ARHGAP42: variants seen among roughly 807,000 people sequenced by gnomAD.
ARHGAP42 encodes the protein rho GTPase-activating protein 42.
ARHGAP42 carries 63 observed loss-of-function variants against 125.0 expected under a neutral mutation model. The observed-to-expected ratio is 0.50, with a 90% CI of 0.41 to 0.62. The LOEUF (loss-of-function observed/expected upper bound fraction) is 0.62. ARHGAP42 is among the 20% of genes least tolerant of loss of function. The pLI is 0.00. For synonymous variants in ARHGAP42, 339 were observed against 351.0 expected (o/e 0.97, Z 0.38); for missense variants, 766 against 1,024.2 (o/e 0.75, Z 3.44).
At chr11:100,882,834 A>G (rs1865994056) in intron 4 of ARHGAP42, among the ~76,000 whole-genome samples, 1 of 151,832 alleles carries the variant, frequency 6.6e-6, no homozygotes, top group Non-Finnish European at 1.5e-5. Context: ...AAGCTAGGAG[A>G]GTTGTATCTT....
intron 2 of ARHGAP42, among the ~76,000 whole-genome samples, chr11:100,771,603 AT>A (rs879276143): frequency 6.9e-4 from 101 of 146,224 alleles, no homozygotes; most frequent in African/African-American, 1.3e-3. Flanking sequence ...AACATCTGGA[AT>A]TTTTTTTTTT....
intron 3 of ARHGAP42, among the ~76,000 whole-genome samples, chr11:100,820,481 A>G (rs1864379566): frequency 6.6e-6 from 1 of 152,176 alleles, no homozygotes; most frequent in Non-Finnish European, 1.5e-5. Flanking sequence ...CCCTGGACAG[A>G]CTTAAAGAGA....
intron 2 of ARHGAP42, among the ~76,000 whole-genome samples, chr11:100,780,756 A>G (rs1228971732): frequency 2.6e-5 from 4 of 152,248 alleles, no homozygotes; most frequent in Non-Finnish European, 5.9e-5. Flanking sequence ...AACCAGATCT[A>G]AGCCACAATG....
chr11:100,922,361 G>A (rs185170167), intron 6 of ARHGAP42, among the ~76,000 whole-genome samples: 108 of 152,182 alleles, frequency 7.1e-4, no homozygotes, highest in African/African-American at 2.6e-3. Context: ...GTCTTTATAA[G>A]CTTATTTCAT....
At chr11:100,702,821 G>T (rs1320763146) in intron 1 of ARHGAP42, among the ~76,000 whole-genome samples, 3 of 152,010 alleles carry the variant, frequency 2.0e-5, no homozygotes, top group African/African-American at 2.4e-5. Context: ...ACAGGCACGT[G>T]TCACCATGCA....
At chr11:100,756,226 A>C (rs1476815657) in intron 1 of ARHGAP42, among the ~76,000 whole-genome samples, 1 of 146,328 alleles carries the variant, frequency 6.8e-6, no homozygotes, top group Non-Finnish European at 1.5e-5. Context: ...TCTCTACAAA[A>C]AAAAAAAAAA....
intron 2 of ARHGAP42, among the ~76,000 whole-genome samples, chr11:100,785,306 C>T (rs907295020): frequency 1.3e-5 from 2 of 152,048 alleles, no homozygotes; most frequent in Non-Finnish European, 2.9e-5. Flanking sequence ...ATCAGGAGGC[C>T]GGGCCATCTG....
chr11:100,817,671 T>C (rs1864300489), intron 3 of ARHGAP42, among the ~76,000 whole-genome samples: 1 of 152,224 alleles, frequency 6.6e-6, no homozygotes, highest in Non-Finnish European at 1.5e-5. Flanking sequence ...GCTTCTTACA[T>C]GAATGCTCTC....
chr11:100,830,308 G>A (rs1432273112), intron 3 of ARHGAP42, among the ~76,000 whole-genome samples: 3 of 152,158 alleles, frequency 2.0e-5, no homozygotes, highest in Non-Finnish European at 4.4e-5. Context: ...TTTCATAGTA[G>A]CAGTTTGGAA....
intron 3 of ARHGAP42, among the ~76,000 whole-genome samples, chr11:100,797,331 A>G (rs962357719): frequency 1.3e-5 from 2 of 152,194 alleles, no homozygotes; most frequent in Non-Finnish European, 2.9e-5. Flanking sequence ...AGAAGTTGCC[A>G]TCTAGGACTT....
At chr11:100,899,442 T>G (rs1205029279) in intron 4 of ARHGAP42, among the ~76,000 whole-genome samples, 1 of 152,170 alleles carries the variant, frequency 6.6e-6, no homozygotes, top group Non-Finnish European at 1.5e-5. Context: ...GACAGTGGGG[T>G]GTTAAAATCT....
At chr11:100,902,517 C>T (rs975188118) in intron 4 of ARHGAP42, among the ~76,000 whole-genome samples, 2 of 152,150 alleles carry the variant, frequency 1.3e-5, no homozygotes, top group Non-Finnish European at 2.9e-5. Flanking sequence ...AGATAACATA[C>T]TCAATAAAGA....
rs117712996 is a variant in ARHGAP42, at chr11:100,780,695, C to T, written c.250+10257C>T. Among the ~76,000 whole-genome samples the T allele has an allele frequency of 7.2e-4, 109 of 152,300 alleles. 3 individuals carry two copies. In the East Asian group the frequency reaches 0.02, roughly 28 times the overall value. On this transcript the variant is annotated intron_variant, in intron 2 of 23. Coordinates refer to ENST00000298815, the MANE Select transcript of ARHGAP42 (RefSeq NM_152432.4). ...TGCCTCTCTTTTGAACTTGTCTGTG[C>T]CTGCATTTCCTGGTTATACAACTCA... is the stretch of plus-strand genomic sequence containing the variant.
intron 2 of ARHGAP42, among the ~76,000 whole-genome samples, chr11:100,781,669 A>C (rs1334621832): frequency 1.3e-5 from 2 of 152,208 alleles, no homozygotes; most frequent in African/African-American, 4.8e-5. Flanking sequence ...TAAAACAGTT[A>C]AGTTCACTAT....
intron 3 of ARHGAP42, among the ~76,000 whole-genome samples, chr11:100,846,736 G>A (rs1196456043): frequency 6.6e-6 from 1 of 152,092 alleles, no homozygotes; most frequent in African/African-American, 2.4e-5. Context: ...AATATCCTGT[G>A]GGAGTTTGAA....
chr11:100,924,669 T>A (rs1448826538), intron 6 of ARHGAP42, among the ~76,000 whole-genome samples: 1 of 151,718 alleles, frequency 6.6e-6, no homozygotes, highest in African/African-American at 2.4e-5. Flanking sequence ...TCTGTCTCAA[T>A]AAATAAATAA....
At chr11:100,917,276 T>G (rs1229192679) in intron 5 of ARHGAP42, among the ~76,000 whole-genome samples, 1 of 152,176 alleles carries the variant, frequency 6.6e-6, no homozygotes, top group East Asian at 1.9e-4. Flanking sequence ...ACTTCCTAAA[T>G]GAAGTAAAGT....
At position 100,702,914 on chromosome 11, in the gene ARHGAP42, G is replaced by A. The variant is rs560426988; in HGVS notation, c.154+15082G>A. Reference sequence around the variant, plus strand: ...TGACCTCAGGTGATCCGCCCACCTCGGCCTCCCAAAGTGCGGGGATTACAG... The same window carrying A: ...TGACCTCAGGTGATCCGCCCACCTCAGCCTCCCAAAGTGCGGGGATTACAG... On this transcript the variant is annotated intron_variant, in intron 1 of 23. Coordinates refer to ENST00000298815, the MANE Select transcript of ARHGAP42 (RefSeq NM_152432.4). 9.9e-5 allele frequency among the ~76,000 whole-genome samples: 15 copies of A among 151,112 alleles called. No homozygotes were observed. The South Asian group carries it at 2.1e-3, about 21-fold the overall frequency.
chr11:100,702,218 T>G (rs988586429), intron 1 of ARHGAP42, among the ~76,000 whole-genome samples: 17 of 152,306 alleles, frequency 1.1e-4, no homozygotes, highest in African/African-American at 4.1e-4. Flanking sequence ...GTAGGGTTAT[T>G]AGTTGGCCTA....
Sources: gnomAD v4.1 joint callset for allele counts (sites outside exome capture counted in the v4.1 genomes callset) on GRCh38, gnomAD v4.1.1 for gene constraint, MANE v1.5 for transcripts, NCBI Gene and HGNC (gene_info 2026-07-23, HGNC 2026-07-21) for gene names.